The following XXYLT1 variants were observed in gnomAD, a reference collection of about 807,000 sequenced individuals.
The protein encoded by XXYLT1 is UDP-xylose:alpha-xyloside alpha-1,3-xylosyltransferase.
In XXYLT1, 20 loss-of-function variants were observed where a neutral mutation model predicts 28.9. That is an observed-to-expected ratio of 0.69 (90% CI 0.49 to 1.00). XXYLT1 has a LOEUF of 1.00. Among genes scored for constraint, XXYLT1 ranks in the 50% least tolerant of loss-of-function variants. The pLI is 0.00. For missense variants in XXYLT1, 542 were observed against 560.1 expected (o/e 0.97, Z 0.33); for synonymous variants, 257 against 253.8 (o/e 1.01, Z -0.12).
At chr3:195,230,235 A>T (rs928967942) in intron 1 of XXYLT1, among the ~76,000 whole-genome samples, 3 of 151,678 alleles carry the variant, frequency 2.0e-5, no homozygotes, top group Non-Finnish European at 2.9e-5. Flanking sequence ...AGATTATTAA[A>T]TTTTTTTCCT....
chr3:195,099,502 G>A (rs1409673592), intron 3 of XXYLT1, among the ~76,000 whole-genome samples: 4 of 152,198 alleles, frequency 2.6e-5, no homozygotes, highest in African/African-American at 9.7e-5. Flanking sequence ...CCCTGTGCAA[G>A]TTAGCAAAGA....
chr3:195,155,855 C>T (rs1435146411), intron 3 of XXYLT1, among the ~76,000 whole-genome samples: 1 of 152,242 alleles, frequency 6.6e-6, no homozygotes, highest in East Asian at 1.9e-4. Context: ...TGCTAAGTAG[C>T]AAATTTGAGT....
At chr3:195,248,709 G>A (rs529177069) in intron 1 of XXYLT1, among the ~76,000 whole-genome samples, 54 of 152,308 alleles carry the variant, frequency 3.5e-4, no homozygotes, top group African/African-American at 1.3e-3. Context: ...CCTGCAGTCA[G>A]GAGTTTGAGA....
At chr3:195,184,144 C>T (rs376423251) in intron 2 of XXYLT1, among the ~76,000 whole-genome samples, 1 of 152,208 alleles carries the variant, frequency 6.6e-6, no homozygotes, top group South Asian at 2.1e-4. Flanking sequence ...ACCATCAGAG[C>T]AAGATACACA....
chr3:195,175,783 T>G, intron 2 of XXYLT1: 1 of 1,497,928 alleles, frequency 6.7e-7, no homozygotes. Context: ...GGAAGCCACA[T>G]GCTCCAGATG....
At chr3:195,198,091 C>T (rs976339757) in intron 2 of XXYLT1, among the ~76,000 whole-genome samples, 2 of 152,228 alleles carry the variant, frequency 1.3e-5, no homozygotes, top group Non-Finnish European at 2.9e-5. Flanking sequence ...AACCACTCAA[C>T]TGAGGCTTGG....
chr3:195,179,261 A>C (rs941815945), intron 2 of XXYLT1, among the ~76,000 whole-genome samples: 1 of 151,366 alleles, frequency 6.6e-6, no homozygotes, highest in African/African-American at 2.4e-5. Context: ...AATTGCTTGA[A>C]CCAGGGAGTC....
Position 195,240,668 on chromosome 3 carries a change from C to CA in XXYLT1, c.505-13813dup, listed in dbSNP as rs1408889670. Among the ~76,000 whole-genome samples the CA allele has an allele frequency of 6.6e-6, 1 of 152,212 alleles. No homozygotes were observed. Among genetic ancestry groups the CA allele is most frequent in the East Asian group, 1.9e-4 (1 of 5,196 alleles). ...GTCGGCCGGAGGCCAAGGGTTCACC[C>CA]ATCTCCTCCCCATGCGCCGCCAGAG... On this transcript the variant is annotated intron_variant, in intron 1 of 3. Coordinates refer to ENST00000310380, the MANE Select transcript of XXYLT1 (RefSeq NM_152531.5). The surrounding 1 kb of genome is among the most constrained non-coding windows in gnomAD (Gnocchi z 4.7).
intron 2 of XXYLT1, among the ~76,000 whole-genome samples, chr3:195,177,162 A>G (rs1250581671): frequency 1.3e-5 from 2 of 152,188 alleles, no homozygotes; most frequent in African/African-American, 4.8e-5. Context: ...GTGCAGAATC[A>G]CCTGCTCCCT....
chr3:195,098,364 T>C (rs1337647444), intron 3 of XXYLT1, among the ~76,000 whole-genome samples: 1 of 152,102 alleles, frequency 6.6e-6, no homozygotes, highest in East Asian at 1.9e-4. Context: ...CCATCCTGGC[T>C]AACATGTTGA....
chr3:195,076,556 C>T lies in XXYLT1; in HGVS notation c.786-6445G>A, dbSNP rs1477641894. Among the ~76,000 whole-genome samples the T allele has an allele frequency of 3.3e-5, 5 of 152,136 alleles. No individual in the cohort carries two copies. The highest frequency in any genetic ancestry group is 9.7e-5 in the African/African-American group (4 of 41,412). ...TAAAGACCACTGGGCTCTGTTAGTT[C>T]GCTAGGGCTGCCATCGCAAAGTACC... is the stretch of plus-strand genomic sequence containing the variant. On this transcript the variant is annotated intron_variant, in intron 3 of 3. Transcript: ENST00000310380. The surrounding 1 kb of genome is among the most constrained non-coding windows in gnomAD (Gnocchi z 5.3).
intron 3 of XXYLT1, among the ~76,000 whole-genome samples, chr3:195,139,448 CCA>C (rs1719370036): frequency 6.6e-6 from 1 of 152,196 alleles, no homozygotes; most frequent in African/African-American, 2.4e-5. Flanking sequence ...TCATCTCTGT[CCA>C]CAGTCACATT....
In XXYLT1 at chr3:195,150,706, A is replaced by G. The variant is rs62285218; in HGVS notation, c.785+5743T>C. Among the ~76,000 whole-genome samples, 11 of 152,012 alleles carry G rather than the reference A, an allele frequency of 7.2e-5. No individual in the cohort carries two copies. Among genetic ancestry groups the G allele is most frequent in the African/African-American group, 2.4e-4 (10 of 41,366 alleles). On this transcript the variant is annotated intron_variant, in intron 3 of 3. Transcript: ENST00000310380. This position sits in a 1 kb window ranked among gnomAD's most constrained non-coding sequence, Gnocchi z 4.7. Reference sequence around the variant, plus strand: ...CCTATGCCGCCACCAACAAGCTCCCATTCAGAGGATCCTCAGGCGGCCAGC... The same window carrying G: ...CCTATGCCGCCACCAACAAGCTCCCGTTCAGAGGATCCTCAGGCGGCCAGC...
At chr3:195,238,617 C>G (rs1413350410) in intron 1 of XXYLT1, among the ~76,000 whole-genome samples, 1 of 152,188 alleles carries the variant, frequency 6.6e-6, no homozygotes, top group African/African-American at 2.4e-5. Context: ...TAATACAGGA[C>G]TGTCACCACA....
At chr3:195,181,721 C>T (rs1721963023) in intron 2 of XXYLT1, among the ~76,000 whole-genome samples, 1 of 152,160 alleles carries the variant, frequency 6.6e-6, no homozygotes, top group African/African-American at 2.4e-5. Context: ...CAGGTGGTAT[C>T]TGGCAGTGCT....
At position 195,195,207 on chromosome 3, in the gene XXYLT1, C is replaced by T. The variant is rs555195772; in HGVS notation, c.652+31502G>A. Among the ~76,000 whole-genome samples the T allele has an allele frequency of 4.5e-4, 68 of 152,324 alleles. No homozygotes were observed. Among genetic ancestry groups the T allele is most frequent in the African/African-American group, 1.5e-3 (64 of 41,572 alleles). ...GAGAACCCTCCAGTGATAAAGCTGG[C>T]TACCGTTCTCATAAATGTTCTCTTA... On this transcript the variant is annotated intron_variant, in intron 2 of 3. Coordinates refer to ENST00000310380, the MANE Select transcript of XXYLT1 (RefSeq NM_152531.5). The surrounding 1 kb of genome is among the most constrained non-coding windows in gnomAD (Gnocchi z 4.4).
At chr3:195,191,921 C>T (rs755789876) in intron 2 of XXYLT1, among the ~76,000 whole-genome samples, 8 of 152,190 alleles carry the variant, frequency 5.3e-5, no homozygotes, top group Non-Finnish European at 1.2e-4. Context: ...TTGGAGATTT[C>T]AATACCCTAC....
At chr3:195,254,927 A>C (rs1317745456) in intron 1 of XXYLT1, among the ~76,000 whole-genome samples, 1 of 152,164 alleles carries the variant, frequency 6.6e-6, no homozygotes, top group Admixed American at 6.5e-5. Flanking sequence ...CAGAAAGATG[A>C]GGTAGAGCCA....
In XXYLT1 at chr3:195,076,593, G is replaced by A. The variant is rs979536152; in HGVS notation, c.786-6482C>T. Among the ~76,000 whole-genome samples, 2 of 152,146 alleles carry A rather than the reference G, an allele frequency of 1.3e-5. No homozygotes were observed. Among genetic ancestry groups the A allele is most frequent in the Admixed American group, 6.5e-5 (1 of 15,274 alleles). ...CATCGCAAAGTACCACCAATGGGGC[G>A]GCTTCAGCAGCAGAAAGGTGCTGCC... On this transcript the variant is annotated intron_variant, in intron 3 of 3. Transcript: ENST00000310380. This position sits in a 1 kb window ranked among gnomAD's most constrained non-coding sequence, Gnocchi z 5.3.
Sources: allele counts gnomAD v4.1 joint callset (sites outside exome capture counted in the v4.1 genomes callset), GRCh38; gene constraint gnomAD v4.1.1; non-coding constraint Gnocchi (gnomAD v3.1); transcripts MANE v1.5; gene names NCBI Gene and HGNC (gene_info 2026-07-23, HGNC 2026-07-21).